The following MLC1 variants were observed in gnomAD, a reference collection of about 807,000 sequenced individuals.
MLC1 encodes modulator of VRAC current 1.
A neutral mutation model predicts 44.7 loss-of-function variants in MLC1; 32 were observed. The ratio of observed to expected loss-of-function variants is 0.72; its 90% CI spans 0.54 to 0.96. The LOEUF (loss-of-function observed/expected upper bound fraction) is 0.96. MLC1 is among the 40% of genes least tolerant of loss of function. The pLI is 0.00. For synonymous variants in MLC1, 190 were observed against 213.0 expected, an observed-to-expected ratio of 0.89 and a Z score of 0.94; for missense variants, 459 against 492.2, an observed-to-expected ratio of 0.93 and a Z score of 0.64.
In MLC1 at chr22:50,081,360, AAAAG is replaced by A. The variant is rs570505839; in HGVS notation, c.268-967_268-964del. Among the ~76,000 whole-genome samples the A allele has an allele frequency of 3.4e-3, 513 of 152,118 alleles. 5 individuals carry two copies. Among genetic ancestry groups the A allele is most frequent in the Middle Eastern group, 6.8e-3 (2 of 294 alleles). ...TCCGTCAAAGAAAGAAAGAAAGAAA[AAAAG>A]AAAGAAAGAAAGAGGAAGGAAGGAG... On this transcript the variant is annotated intron_variant, in intron 3 of 11. Transcript: ENST00000311597.
chr22:50,068,460 C>T lies in MLC1; in HGVS notation c.867G>A (p.Met289Ile). ...LSFSIMRIVE[M>I]FKDYPPAIKP... ...TTATGGCTGGCGGGTAATCCTTAAA[C>T]ATCTCCACGATTCTCATGATGCTGA... Residue 289 changes from methionine to isoleucine, a missense_variant, in exon 10 of 12, where the codon ATG becomes ATA. Transcript: ENST00000311597. The T allele has an allele frequency of 6.2e-7, 1 of 1,613,834 alleles. No individual in the cohort carries two copies. The highest frequency in any genetic ancestry group is 8.5e-7 in the Non-Finnish European group (1 of 1,179,852).
intron 11 of MLC1, among the ~76,000 whole-genome samples, chr22:50,062,552 C>T (rs902207980): frequency 6.6e-6 from 1 of 152,210 alleles, no homozygotes; most frequent in Non-Finnish European, 1.5e-5. Context: ...AGGGTGGGGG[C>T]GACGGGGTCA....
At position 50,083,079 on chromosome 22, in the gene MLC1, C is replaced by T. The variant is rs2062186233; in HGVS notation, c.267+5G>A. The T allele has an allele frequency of 6.2e-7, 1 of 1,613,930 alleles. No homozygotes were observed. Among genetic ancestry groups the T allele is most frequent in the South Asian group, 1.1e-5 (1 of 91,086 alleles). On this transcript the variant is annotated splice_donor_5th_base_variant and intron_variant, in intron 3 of 11. Coordinates refer to ENST00000311597, the MANE Select transcript of MLC1 (RefSeq NM_015166.4). This position sits in a 1 kb window ranked among gnomAD's most constrained non-coding sequence, Gnocchi z 4.6. ...ACTGGCAGAGGCGTGGAGGAAGCTG[C>T]TTACAGAGCCTGCAGCACAGCGCAA...
rs566440654 is a variant in MLC1 at position 50,080,498 on chromosome 22, T to C, written c.268-101A>G. On this transcript the variant is annotated intron_variant, in intron 3 of 11. Transcript: ENST00000311597. ...GCTTCCAGAAGGATCTGAATCATATTCACAAAACAGTGTTGCCAGTCCATG... is the reference window on the plus strand; with the variant it reads ...GCTTCCAGAAGGATCTGAATCATATCCACAAAACAGTGTTGCCAGTCCATG... The C allele has an allele frequency of 3.1e-6, 4 of 1,299,412 alleles. No individual in the cohort carries two copies. In the East Asian group the frequency reaches 1.0e-4, roughly 33 times the overall value. 80.5% of individuals were successfully genotyped at this position (1,299,412 alleles called of 1,614,324 possible). A position where few individuals can be genotyped will look rare whatever the true frequency, so the allele number is the denominator to read the frequency against.
At chr22:50,062,679 G>A (rs1030223098) in intron 11 of MLC1, among the ~76,000 whole-genome samples, 1 of 152,268 alleles carries the variant, frequency 6.6e-6, no homozygotes, top group Non-Finnish European at 1.5e-5. Flanking sequence ...AGGGTGTGCA[G>A]GGCAAGAGCA....
intron 11 of MLC1, among the ~76,000 whole-genome samples, chr22:50,063,829 C>T (rs1216224999): frequency 1.3e-5 from 2 of 148,190 alleles, no homozygotes; most frequent in Non-Finnish European, 3.0e-5. Context: ...AGGCCACTCA[C>T]CTCCCCGGCT....
At chr22:50,084,582 G>T in intron 2 of MLC1, 144 bp downstream of exon 2, 1 of 905,300 alleles carries the variant, frequency 1.1e-6, no homozygotes, top group Admixed American at 1.8e-5. Flanking sequence ...AAACAAGCTC[G>T]TCGGCATCCA....
At position 50,061,033 on chromosome 22, in the gene MLC1, C is replaced by A. The variant is rs571718058; in HGVS notation, c.*550G>T. The A allele has an allele frequency of 7.3e-4, 124 of 169,232 alleles. No individual in the cohort carries two copies. The highest frequency in any genetic ancestry group is 2.8e-3 in the African/African-American group (120 of 42,112). The allele number at this position is 169,232 out of a possible 1,614,324, so 10.5% of individuals were successfully genotyped here. The stretch of plus-strand genomic sequence containing the variant: ...CCCGGGCCAGGACAGAGGCGCCCAG[C>A]CCTGCTCTCACTGTCCAGGAAGAGC... On this transcript the variant is annotated 3_prime_UTR_variant, in exon 12 of 12. Transcript: ENST00000311597.
rs915597398 is a variant in MLC1 at position 50,059,480 on chromosome 22, A to AT, written c.*2102dup. 11 of 152,342 alleles carry AT rather than the reference A, an allele frequency of 7.2e-5. No individual in the cohort carries two copies. The highest frequency in any genetic ancestry group is 2.7e-4 in the African/African-American group (11 of 41,458). The allele number at this position is 152,342 out of a possible 1,614,324, so 9.4% of individuals were successfully genotyped here. On this transcript the variant is annotated 3_prime_UTR_variant, in exon 12 of 12. Coordinates refer to ENST00000311597, the MANE Select transcript of MLC1 (RefSeq NM_015166.4). ...GTTCTTTTAAACCCCATTTTTCCGG[A>AT]TTTTTTAAGCGCTCTAAAATAAGAA...
chr22:50,080,153 A>G, intron 4 of MLC1, 134 bp from the exon 5 acceptor site: 1 of 1,029,572 alleles, frequency 9.7e-7, no homozygotes. Context: ...CTGCGTGCTC[A>G]GCCCGCTCTC....
At chr22:50,080,454 G>C in intron 3 of MLC1, 57 bp from the exon 4 acceptor site, 1 of 1,510,686 alleles carries the variant, frequency 6.6e-7, no homozygotes, top group Non-Finnish European at 9.0e-7. Flanking sequence ...CTGAGACTCT[G>C]AAATACTCTA....
chr22:50,071,873 G>A (rs1367794161), intron 8 of MLC1, among the ~76,000 whole-genome samples: 2 of 152,228 alleles, frequency 1.3e-5, no homozygotes, highest in Admixed American at 6.5e-5. Context: ...CGGCCTGCTG[G>A]GGAGGGGGCT....
rs2061648086 is a variant in MLC1, at chr22:50,064,035, T to TCTCCAGCAC, written c.1057_1058insGTGCTGGAG (p.Gly352_Glu353insGlyAlaGly). 6.3e-7 allele frequency: 1 copy of TCTCCAGCAC among 1,581,866 alleles called. No individual in the cohort carries two copies. The highest frequency in any genetic ancestry group is 8.6e-7 in the Non-Finnish European group (1 of 1,166,762). On this transcript the variant is annotated inframe_insertion and splice_region_variant, in exon 11 of 12. Transcript: ENST00000311597. ...CCCCTCCCCCTGCAGGCCACTCACC[T>TCTCCAGCAC]CCCCAGCCAGGCGCTCCTGCGGGCC...
Position 50,080,367 on chromosome 22 carries a change from C to G in MLC1, c.298G>C (p.Val100Leu), listed in dbSNP as rs529062080. The G allele has an allele frequency of 6.2e-7, 1 of 1,607,916 alleles. No individual in the cohort carries two copies. Among genetic ancestry groups the G allele is most frequent in the Admixed American group, 1.7e-5 (1 of 59,438 alleles). ...ACCACATTGGCGTTCCTCCTGGAGA[C>G]GGTGAAGCTCACAATTGCCGAGGGG... Reference protein sequence around the residue: ...CIPSAIVSFTVSRRNANVIPN... With the variant: ...CIPSAIVSFTLSRRNANVIPN... Residue 100 changes from valine (V) to leucine (L), a missense_variant, in exon 4 of 12, where the codon GTC becomes CTC. Physicochemically the swap from Val to Leu is conservative, Grantham distance 32. Coordinates refer to ENST00000311597, the MANE Select transcript of MLC1 (RefSeq NM_015166.4).
At chr22:50,081,033 G>GAAAGAAAGAAAGAAAGA (rs1555968039) in intron 3 of MLC1, among the ~76,000 whole-genome samples, 1 of 146,192 alleles carries the variant, frequency 6.8e-6, no homozygotes, top group Non-Finnish European at 1.5e-5. Flanking sequence ...AAGAAAGAAA[G>GAAAGAAAGAAAGAAAGA]AAAGAAAGAA....
At chr22:50,068,286 A>C in intron 10 of MLC1, 147 bp downstream of exon 10, 1 of 1,202,976 alleles carries the variant, frequency 8.3e-7, no homozygotes, top group African/African-American at 1.5e-5. Flanking sequence ...GAGCACGGTC[A>C]CCGCTGCCCA....
Position 50,083,188 on chromosome 22 carries a change from C to T in MLC1, c.178-15G>A. Reference sequence around the variant, plus strand: ...AGGAGGCAGCTCTGCAAGACAGCGACAGAATCCCAGGTTACAACGCGCCCC... The same window carrying T: ...AGGAGGCAGCTCTGCAAGACAGCGATAGAATCCCAGGTTACAACGCGCCCC... On this transcript the variant is annotated splice_polypyrimidine_tract_variant and intron_variant, in intron 2 of 11. Transcript: ENST00000311597. The surrounding 1 kb of genome is among the most constrained non-coding windows in gnomAD (Gnocchi z 4.6). 6.2e-7 allele frequency: 1 copy of T among 1,611,430 alleles called. No homozygotes were observed. The highest frequency in any genetic ancestry group is 2.2e-5 in the East Asian group (1 of 44,862).
intron 10 of MLC1, 120 bp from the exon 11 acceptor site, chr22:50,064,318 C>G: frequency 1.6e-6 from 2 of 1,215,736 alleles, no homozygotes; most frequent in Non-Finnish European, 2.3e-6. Context: ...GTCGGAGCCC[C>G]AGTAACCCAA....
chr22:50,069,442 C>G (rs566577109), intron 9 of MLC1, among the ~76,000 whole-genome samples: 4 of 151,880 alleles, frequency 2.6e-5, no homozygotes, highest in Non-Finnish European at 5.9e-5. Context: ...GTCACGAGTT[C>G]GAGACCAGCC....
Sources: gnomAD v4.1 joint callset for allele counts (sites outside exome capture counted in the v4.1 genomes callset) on GRCh38, gnomAD v4.1.1 for gene constraint, Gnocchi (gnomAD v3.1) non-coding constraint, MANE v1.5 for transcripts, NCBI Gene and HGNC (gene_info 2026-07-23, HGNC 2026-07-21) for gene names.